Variants in LMBRD1 observed in about 807,000 individuals in gnomAD.
The protein encoded by LMBRD1 is lysosomal cobalamin transport escort protein LMBD1.
Under a neutral mutation model 74.8 loss-of-function variants are expected in LMBRD1, and 64 were observed. The observed-to-expected ratio is 0.86, with a 90% CI of 0.70 to 1.05. The LOEUF is 1.05. Ranked by LOEUF, LMBRD1 falls within the 50% of genes least tolerant of loss-of-function variation. The probability of loss-of-function intolerance (pLI) is 0.00; values close to 1 mark genes in which losing one functional copy is unlikely to be tolerated. For synonymous variants in LMBRD1, 204 were observed against 216.3 expected (o/e 0.94, Z 0.50); for missense variants, 652 against 645.9 (o/e 1.01, Z -0.10).
rs1016421402 is a variant in LMBRD1 at position 69,741,966 on chromosome 6, CA to C, written c.474-90del. Reference sequence around the variant, plus strand: ...AAACTCAAATTATTTTTCTCCAAAACAATAAATAAATAAAATCTGTACTATG... The same window carrying C: ...AAACTCAAATTATTTTTCTCCAAAACATAAATAAATAAAATCTGTACTATG... On this transcript the variant is annotated intron_variant, in intron 5 of 15. Transcript: ENST00000649934. The C allele has an allele frequency of 1.3e-5, 10 of 787,220 alleles. No homozygotes were observed. The African/African-American group carries it at 1.6e-4, about 12-fold the overall frequency. 48.8% of individuals were successfully genotyped at this position (787,220 alleles called of 1,614,324 possible). A position where few individuals can be genotyped will look rare whatever the true frequency, so the allele number is the denominator to read the frequency against.
chr6:69,749,319 A>G, intron 5 of LMBRD1, 22 bp downstream of exon 5: 2 of 1,526,962 alleles, frequency 1.3e-6, no homozygotes, highest in Non-Finnish European at 1.8e-6. Context: ...TCATGGTTTA[A>G]AAAAAAAAAA....
At chr6:69,740,129 A>C (rs1216454325) in intron 6 of LMBRD1, among the ~76,000 whole-genome samples, 1 of 146,900 alleles carries the variant, frequency 6.8e-6, no homozygotes. Context: ...ATCAATCAAT[A>C]AAAAGGTCAT....
chr6:69,674,759 G>A lies in LMBRD1; in HGVS notation c.*1399C>T, dbSNP rs113223665. 5.8e-3 allele frequency among the ~76,000 whole-genome samples: 890 copies of A among 152,224 alleles called. 12 individuals carry two copies. The highest frequency in any genetic ancestry group is 0.017 in the African/African-American group (726 of 41,546). The stretch of plus-strand genomic sequence containing the variant: ...GGAGGCCACTGTGGGTGGATCATGA[G>A]GTCAGGAGTTCAAGACCAGCCTGGC... On this transcript the variant is annotated 3_prime_UTR_variant, in exon 16 of 16. Transcript: ENST00000649934.
At chr6:69,731,768 AC>A (rs2149864859) in intron 7 of LMBRD1, among the ~76,000 whole-genome samples, 1 of 152,250 alleles carries the variant, frequency 6.6e-6, no homozygotes, top group African/African-American at 2.4e-5. Context: ...AATATTTTCA[AC>A]TTACGATGGA....
In LMBRD1 at chr6:69,713,744, A is replaced by T. The variant is rs1766433187; in HGVS notation, c.816T>A (p.Phe272Leu). The change falls in exon 9 of 16, where the codon TTT becomes TTA. Residue 272 changes from phenylalanine to leucine, a missense_variant. Coordinates refer to ENST00000649934, the MANE Select transcript of LMBRD1 (RefSeq NM_018368.4). Reference sequence around the variant, plus strand: ...TCTTAAGTGTTCGTAACCTTTCTTCAAATTGTTTTAAGGCGCGTTTATCCC... The same window carrying T: ...TCTTAAGTGTTCGTAACCTTTCTTCTAATTGTTTTAAGGCGCGTTTATCCC... ...PARDKRALKQ[F>L]EERLRTLKKR... 1 of 1,613,556 alleles carries T rather than the reference A, an allele frequency of 6.2e-7. No homozygotes were observed. The highest frequency in any genetic ancestry group is 8.5e-7 in the Non-Finnish European group (1 of 1,179,756).
Position 69,790,412 on chromosome 6 carries a change from C to G in LMBRD1, c.130G>C (p.Val44Leu), listed in dbSNP as rs747364520. The G allele has an allele frequency of 6.2e-7, 1 of 1,614,048 alleles. No individual in the cohort carries two copies. The highest frequency in any genetic ancestry group is 1.1e-5 in the South Asian group (1 of 91,082). ...AAAATTGCTGTTATGGTGGAGACAA[C>G]TTCACTTTCCCGCCGACTTTGGTAT... ...RKYQSRRESE[V>L]VSTITAIFSL... The change falls in exon 2 of 16, where the codon GTT (valine) becomes CTT (leucine). Residue 44 changes from valine to leucine, a missense_variant. This residue lies in a region of LMBRD1 where 598 missense variants were observed against 581.8 expected (regional missense o/e 1.03). Coordinates refer to ENST00000649934, the MANE Select transcript of LMBRD1 (RefSeq NM_018368.4).
intron 9 of LMBRD1, chr6:69,705,443 A>C (rs1766231790): frequency 8.3e-6 from 11 of 1,323,196 alleles, no homozygotes; most frequent in Non-Finnish European, 1.2e-5. Flanking sequence ...TGTCTTCTAC[A>C]GAACTAGGTC....
intron 7 of LMBRD1, among the ~76,000 whole-genome samples, chr6:69,731,862 A>C (rs763941970): frequency 9.9e-5 from 15 of 152,148 alleles, no homozygotes; most frequent in Non-Finnish European, 2.1e-4. Context: ...CAATTCAAAA[A>C]GTGATATAGA....
intron 14 of LMBRD1, among the ~76,000 whole-genome samples, chr6:69,691,501 A>G (rs2149839441): frequency 6.6e-6 from 1 of 152,294 alleles, no homozygotes; most frequent in Non-Finnish European, 1.5e-5. Flanking sequence ...AACTTACATA[A>G]TATTTTAGAC....
intron 9 of LMBRD1, among the ~76,000 whole-genome samples, chr6:69,708,013 T>C (rs1042439605): frequency 1.3e-5 from 2 of 152,168 alleles, no homozygotes; most frequent in Admixed American, 6.5e-5. Flanking sequence ...ATATATGCAA[T>C]ATAATTACAA....
At chr6:69,710,319 C>T (rs1766356187) in intron 9 of LMBRD1, among the ~76,000 whole-genome samples, 2 of 151,698 alleles carry the variant, frequency 1.3e-5, no homozygotes, top group Non-Finnish European at 1.5e-5. Flanking sequence ...ATAAAATGAA[C>T]CTTAACCCTT....
intron 14 of LMBRD1, among the ~76,000 whole-genome samples, chr6:69,692,358 T>G (rs1020876492): frequency 6.6e-6 from 1 of 152,164 alleles, no homozygotes; most frequent in Admixed American, 6.5e-5. Flanking sequence ...AAATCAACTT[T>G]GATTTATAGA....
intron 9 of LMBRD1, among the ~76,000 whole-genome samples, chr6:69,704,797 G>T (rs537218427): frequency 9.9e-5 from 15 of 152,032 alleles, no homozygotes; most frequent in African/African-American, 3.6e-4. Context: ...AGGGACTGTT[G>T]TAATTCATCT....
chr6:69,774,050 G>A (rs567115271), intron 3 of LMBRD1, among the ~76,000 whole-genome samples: 8 of 152,320 alleles, frequency 5.3e-5, no homozygotes, highest in East Asian at 3.9e-4. Context: ...TTGGCTCTGC[G>A]TCCCCACTTA....
intron 6 of LMBRD1, among the ~76,000 whole-genome samples, chr6:69,739,830 G>A (rs1767060147): frequency 6.6e-6 from 1 of 152,102 alleles, no homozygotes; most frequent in African/African-American, 2.4e-5. Context: ...TATATAGGCC[G>A]GGTGCAGTGG....
At chr6:69,732,568 G>T (rs1194966891) in intron 7 of LMBRD1, among the ~76,000 whole-genome samples, 2 of 152,124 alleles carry the variant, frequency 1.3e-5, no homozygotes, top group Non-Finnish European at 2.9e-5. Context: ...GGTACAAGAA[G>T]AAAATATTAA....
intron 6 of LMBRD1, among the ~76,000 whole-genome samples, chr6:69,738,331 A>T (rs1771921396): frequency 6.6e-6 from 1 of 152,134 alleles, no homozygotes; most frequent in South Asian, 2.1e-4. Context: ...TCAAAAGGTG[A>T]TTAAAAAGAT....
intron 1 of LMBRD1, among the ~76,000 whole-genome samples, chr6:69,796,533 C>T (rs1023089083): frequency 1.9e-4 from 29 of 152,186 alleles, no homozygotes; most frequent in African/African-American, 5.3e-4. Context: ...ACCCCACCGG[C>T]CCCATTGCCC....
At chr6:69,687,614 C>G (rs991394729) in intron 14 of LMBRD1, among the ~76,000 whole-genome samples, 34 of 151,988 alleles carry the variant, frequency 2.2e-4, no homozygotes, top group Admixed American at 2.2e-3. Context: ...TGTGCTTCTC[C>G]GTATTACTAA....
Sources: gnomAD v4.1 joint callset for allele counts (sites outside exome capture counted in the v4.1 genomes callset) on GRCh38, gnomAD v4.1.1 for gene constraint, gnomAD v4.1.1 regional missense constraint, MANE v1.5 for transcripts, NCBI Gene and HGNC (gene_info 2026-07-23, HGNC 2026-07-21) for gene names.